SIDT1: variants seen among roughly 807,000 people sequenced by gnomAD.
SIDT1 encodes SID1 transmembrane family, member 1.
A neutral mutation model predicts 107.5 loss-of-function variants in SIDT1; 101 were observed. That is an observed-to-expected ratio of 0.94 (90% CI 0.80 to 1.11). SIDT1 has a LOEUF of 1.11. SIDT1 is among the 50% of genes least tolerant of loss of function. The pLI is 0.00. For missense variants in SIDT1, 1,076 were observed against 1,058.2 expected, an observed-to-expected ratio of 1.02 and a Z score of -0.23; for synonymous variants, 395 against 398.2, an observed-to-expected ratio of 0.99 and a Z score of 0.10.
intron 1 of SIDT1, among the ~76,000 whole-genome samples, chr3:113,548,913 A>G (rs527827987): frequency 9.9e-5 from 15 of 152,198 alleles, no homozygotes; most frequent in Non-Finnish European, 1.8e-4. Flanking sequence ...TTAACTTTGT[A>G]TGGTTTTCTC....
At chr3:113,545,222 C>G (rs1939457444) in intron 1 of SIDT1, among the ~76,000 whole-genome samples, 2 of 150,916 alleles carry the variant, frequency 1.3e-5, no homozygotes, top group African/African-American at 4.9e-5. Context: ...TTTTAGCATC[C>G]ACTGATTATT....
At chr3:113,569,031 T>C (rs1328526759) in intron 3 of SIDT1, among the ~76,000 whole-genome samples, 2 of 148,586 alleles carry the variant, frequency 1.3e-5, no homozygotes, top group Admixed American at 6.8e-5. Context: ...TCCCAGCTAA[T>C]CCGGAGGCTG....
chr3:113,606,027 A>G (rs1342636887), intron 14 of SIDT1, among the ~76,000 whole-genome samples: 2 of 104,010 alleles, frequency 1.9e-5, no homozygotes, highest in Non-Finnish European at 4.3e-5. Context: ...AGGAAAAAAA[A>G]GAAAAAAAAA....
chr3:113,634,146 T>C (rs889070181), downstream of SIDT1, among the ~76,000 whole-genome samples: 2 of 152,294 alleles, frequency 1.3e-5, no homozygotes, highest in East Asian at 3.9e-4. Context: ...GGAGTGGGGA[T>C]GATTTTATTC....
In SIDT1 at chr3:113,627,727, G is replaced by C; in HGVS notation, c.*19G>C. ...CTTCTGAACCTCCAACATTAAGAGA[G>C]GGGAGGGAGCGATCAATCTTGGTGC... On this transcript the variant is annotated 3_prime_UTR_variant, in exon 25 of 25. Coordinates refer to ENST00000264852, the MANE Select transcript of SIDT1 (RefSeq NM_017699.3). 6.2e-7 allele frequency: 1 copy of C among 1,611,814 alleles called. No homozygotes were observed. Among genetic ancestry groups the C allele is most frequent in the Non-Finnish European group, 8.5e-7 (1 of 1,178,842 alleles).
intron 1 of SIDT1, among the ~76,000 whole-genome samples, chr3:113,563,053 C>T (rs1041996546): frequency 1.3e-5 from 2 of 152,128 alleles, no homozygotes; most frequent in Non-Finnish European, 2.9e-5. Flanking sequence ...CAAAGGAAGA[C>T]TTTAAGAATG....
chr3:113,587,262 A>G (rs1217888567), intron 9 of SIDT1, among the ~76,000 whole-genome samples: 3 of 152,226 alleles, frequency 2.0e-5, no homozygotes, highest in African/African-American at 7.2e-5. Context: ...TGATAAAAGC[A>G]AATGAGGTAA....
At chr3:113,553,734 G>A (rs982425147) in intron 1 of SIDT1, among the ~76,000 whole-genome samples, 1 of 152,164 alleles carries the variant, frequency 6.6e-6, no homozygotes, top group African/African-American at 2.4e-5. Flanking sequence ...TAAAGCCAGA[G>A]GGAGGTCAGT....
intron 19 of SIDT1, among the ~76,000 whole-genome samples, chr3:113,615,714 A>C (rs774345275): frequency 2.0e-5 from 3 of 152,212 alleles, no homozygotes; most frequent in Non-Finnish European, 4.4e-5. Context: ...CTCTAGAGAG[A>C]GCATGTGTTT....
rs531574593 is a variant in SIDT1, at chr3:113,601,951, G to T, written c.1117+292G>T. 2.4e-5 allele frequency: 7 copies of T among 291,764 alleles called. No homozygotes were observed. The South Asian group carries it at 4.3e-4, about 18-fold the overall frequency. The allele number at this position is 291,764 out of a possible 1,614,324, so 18.1% of individuals were successfully genotyped here. On this transcript the variant is annotated intron_variant, in intron 11 of 24. Transcript: ENST00000264852. ...CTAGGGACTTTTTCATATCCAGCCCGGGTTTAGGGCATGAAAGATGTGTCC... is the reference window on the plus strand; with the variant it reads ...CTAGGGACTTTTTCATATCCAGCCCTGGTTTAGGGCATGAAAGATGTGTCC...
At chr3:113,571,511 T>A (rs78384425) in intron 3 of SIDT1, among the ~76,000 whole-genome samples, 1 of 129,372 alleles carries the variant, frequency 7.7e-6, no homozygotes, top group Non-Finnish European at 1.8e-5. Flanking sequence ...CACACACACA[T>A]AAACTGTGCC....
intron 19 of SIDT1, chr3:113,615,162 T>C (rs747700721): frequency 6.1e-5 from 87 of 1,415,056 alleles, no homozygotes; most frequent in Admixed American, 7.9e-5. Flanking sequence ...CCCTGCTCCC[T>C]GAACAGCCTC....
chr3:113,611,643 A>G (rs1945751297), intron 18 of SIDT1, among the ~76,000 whole-genome samples: 1 of 152,192 alleles, frequency 6.6e-6, no homozygotes, highest in South Asian at 2.1e-4. Context: ...TTAATAATGT[A>G]TTAGGCACCT....
intron 1 of SIDT1, among the ~76,000 whole-genome samples, chr3:113,541,785 T>C (rs1938903785): frequency 6.6e-6 from 1 of 152,156 alleles, no homozygotes; most frequent in South Asian, 2.1e-4. Context: ...TACTCCTTTG[T>C]CTTCTGGCAA....
chr3:113,621,462 A>G (rs1946460343), intron 21 of SIDT1, among the ~76,000 whole-genome samples: 1 of 152,078 alleles, frequency 6.6e-6, no homozygotes, highest in African/African-American at 2.4e-5. Context: ...AAAAAAAAGA[A>G]CGAAGTCAGT....
intron 9 of SIDT1, among the ~76,000 whole-genome samples, chr3:113,590,923 C>T (rs944550357): frequency 3.3e-5 from 5 of 152,134 alleles, no homozygotes; most frequent in South Asian, 2.1e-4. Flanking sequence ...GTCTAATCTC[C>T]AGAACCTGTG....
At chr3:113,588,359 C>T (rs968770587) in intron 9 of SIDT1, among the ~76,000 whole-genome samples, 3 of 152,156 alleles carry the variant, frequency 2.0e-5, no homozygotes, top group Non-Finnish European at 2.9e-5. Context: ...AGAACTTTTC[C>T]TTCATTAACT....
intron 1 of SIDT1, among the ~76,000 whole-genome samples, chr3:113,535,279 TG>T (rs1010963781): frequency 9.1e-5 from 12 of 131,304 alleles, no homozygotes; most frequent in African/African-American, 2.5e-4. Flanking sequence ...TTTTTCAAAA[TG>T]TTTTTTTTTT....
chr3:113,615,929 T>C (rs1946071928), intron 19 of SIDT1, 171 bp from the exon 20 acceptor site: 2 of 646,014 alleles, frequency 3.1e-6, no homozygotes, highest in Admixed American at 2.3e-5. Context: ...TCTATGACGA[T>C]ACCATTTTTC....
Sources: allele counts gnomAD v4.1 joint callset (sites outside exome capture counted in the v4.1 genomes callset), GRCh38; gene constraint gnomAD v4.1.1; transcripts MANE v1.5; gene names NCBI Gene and HGNC (gene_info 2026-07-23, HGNC 2026-07-21).